Variants in ZEB2 observed in about 807,000 individuals in gnomAD.
The protein encoded by ZEB2 is zinc finger E-box-binding homeobox 2.
Under a neutral mutation model 99.9 loss-of-function variants are expected in ZEB2, and 6 were observed. The ratio of observed to expected loss-of-function variants is 0.06; its 90% CI spans 0.03 to 0.12. The LOEUF is 0.12. ZEB2 is among the 10% of genes least tolerant of loss of function. ZEB2 has a pLI of 1.00. For synonymous variants in ZEB2, 517 were observed against 542.5 expected, an observed-to-expected ratio of 0.95 and a Z score of 0.65; for missense variants, 969 against 1,502.8, an observed-to-expected ratio of 0.64 and a Z score of 5.87.
chr2:144,389,485 T>A lies in ZEB2; in HGVS notation c.3611A>T (p.Asp1204Val). The A allele has an allele frequency of 1.2e-6, 2 of 1,614,160 alleles. No individual in the cohort carries two copies. Among genetic ancestry groups the A allele is most frequent in the Non-Finnish European group, 8.5e-7 (1 of 1,180,040 alleles). The stretch of plus-strand genomic sequence containing the variant: ...ATCTTCCATATTGTCTTCCTCGTGG[T>A]CTGATTTGGTTTCCATTTTCCCATC... Reference protein sequence around the residue: ...SEDGKMETKSDHEEDNMEDGM With the variant: ...SEDGKMETKSVHEEDNMEDGM The change falls in exon 10 of 10, where the codon GAC becomes GTC. Residue 1204 changes from aspartate to valine, a missense_variant. By Grantham distance (152) the Asp-to-Val change is radical. This residue lies in a region of ZEB2 where 121 missense variants were observed against 166.4 expected (regional missense o/e 0.73). Transcript: ENST00000627532. The surrounding 1 kb of genome is among the most constrained non-coding windows in gnomAD (Gnocchi z 6.8).
At chr2:144,406,874 C>A (rs1227507301) in intron 4 of ZEB2, among the ~76,000 whole-genome samples, 2 of 152,062 alleles carry the variant, frequency 1.3e-5, no homozygotes, top group African/African-American at 4.8e-5. Context: ...CTAGGCCAGG[C>A]AAAAGATACT....
intron 4 of ZEB2, among the ~76,000 whole-genome samples, chr2:144,420,641 A>T (rs185372026): frequency 3.3e-5 from 5 of 152,212 alleles, no homozygotes; most frequent in Non-Finnish European, 7.4e-5. Context: ...TTCTGAAGAG[A>T]TTGCTGTCGT....
At chr2:144,410,028 C>T (rs552682870) in intron 4 of ZEB2, among the ~76,000 whole-genome samples, 4 of 151,896 alleles carry the variant, frequency 2.6e-5, no homozygotes, top group African/African-American at 4.8e-5. Context: ...TCTCCTGCCT[C>T]GGCCTCCTGT....
At chr2:144,422,702 A>G (rs1703635242) in intron 4 of ZEB2, among the ~76,000 whole-genome samples, 1 of 152,204 alleles carries the variant, frequency 6.6e-6, no homozygotes, top group African/African-American at 2.4e-5. Context: ...AGGGAGGCTG[A>G]GGCAGGAGAA....
chr2:144,472,628 G>A (rs1013860464), intron 2 of ZEB2, among the ~76,000 whole-genome samples: 20 of 152,122 alleles, frequency 1.3e-4, no homozygotes, highest in African/African-American at 4.1e-4. Flanking sequence ...GTCATAGGTA[G>A]CAAGTGGTGG....
chr2:144,439,275 C>T (rs1703877274), intron 2 of ZEB2, among the ~76,000 whole-genome samples: 1 of 152,048 alleles, frequency 6.6e-6, no homozygotes, highest in Non-Finnish European at 1.5e-5. Context: ...CCCTACCAGG[C>T]ACAGAAGCCA....
At chr2:144,398,048 C>T (rs1703253374) in intron 8 of ZEB2, 2 of 403,288 alleles carry the variant, frequency 5.0e-6, no homozygotes, top group Non-Finnish European at 9.3e-6. Context: ...GCAGATGAGT[C>T]CATCTAAATA....
intron 2 of ZEB2, among the ~76,000 whole-genome samples, chr2:144,459,123 A>G (rs983410090): frequency 3.3e-5 from 5 of 152,208 alleles, no homozygotes; most frequent in African/African-American, 1.2e-4. Flanking sequence ...CTATAAAGCT[A>G]CTATAACCCC....
intron 2 of ZEB2, chr2:144,512,101 C>T (rs1205143007): frequency 2.3e-6 from 3 of 1,287,032 alleles, no homozygotes; most frequent in African/African-American, 3.0e-5. Context: ...ACAGTGGACA[C>T]CCCAGCACCA....
At chr2:144,433,402 T>C (rs1220833049) in intron 2 of ZEB2, among the ~76,000 whole-genome samples, 1 of 152,226 alleles carries the variant, frequency 6.6e-6, no homozygotes, top group African/African-American at 2.4e-5. Context: ...TGTGATACTA[T>C]GTTTACATGA....
At chr2:144,410,492 T>G (rs1703446091) in intron 4 of ZEB2, among the ~76,000 whole-genome samples, 1 of 152,232 alleles carries the variant, frequency 6.6e-6, no homozygotes, top group South Asian at 2.1e-4. Flanking sequence ...TTAACAGAAC[T>G]CTAAATAAAA....
At chr2:144,498,591 CT>C (rs1015376905) in intron 2 of ZEB2, among the ~76,000 whole-genome samples, 5 of 152,114 alleles carry the variant, frequency 3.3e-5, no homozygotes, top group African/African-American at 1.2e-4. Flanking sequence ...AACTGGTGAC[CT>C]TTCAGTTTCC....
chr2:144,444,005 T>C (rs151183904), intron 2 of ZEB2, among the ~76,000 whole-genome samples: 1 of 152,238 alleles, frequency 6.6e-6, no homozygotes, highest in East Asian at 1.9e-4. Context: ...CCATTCCAGG[T>C]AGCAAAACAA....
intron 2 of ZEB2, chr2:144,494,399 G>A (rs1015827445): frequency 2.0e-5 from 3 of 152,128 alleles, no homozygotes; most frequent in Non-Finnish European, 4.4e-5. Context: ...TCTATTAATA[G>A]ACTTCAATTG....
intron 1 of ZEB2, chr2:144,519,730 G>A (rs1422744629): frequency 3.0e-6 from 1 of 335,388 alleles, no homozygotes; most frequent in Non-Finnish European, 5.8e-6. Context: ...AGGAGAGAGA[G>A]TGTGAGTGTA....
chr2:144,503,204 T>C (rs1176158771), intron 2 of ZEB2, among the ~76,000 whole-genome samples: 2 of 152,218 alleles, frequency 1.3e-5, no homozygotes, highest in Non-Finnish European at 2.9e-5. Context: ...GATGAGCAAA[T>C]GGACCCTAGG....
In ZEB2 at chr2:144,497,879, C is replaced by T. The variant is rs1374709985; in HGVS notation, c.73+19399G>A. 5 of 2,154 alleles carry T rather than the reference C, an allele frequency of 2.3e-3. 1 individual carries two copies. The highest frequency in any genetic ancestry group is 0.011 in the Admixed American group (1 of 94). The allele number at this position is 2,154 out of a possible 1,614,324, so 0.1% of individuals were successfully genotyped here. On this transcript the variant is annotated intron_variant, in intron 2 of 9. Coordinates refer to ENST00000627532, the MANE Select transcript of ZEB2 (RefSeq NM_014795.4). ...AACATATATATATATATGTCATTCT[C>T]AACATATATATATATGTCATTCTCA...
At chr2:144,412,213 G>A (rs1225954654) in intron 4 of ZEB2, among the ~76,000 whole-genome samples, 1 of 152,218 alleles carries the variant, frequency 6.6e-6, no homozygotes, top group East Asian at 1.9e-4. Flanking sequence ...AGGTTGCGGT[G>A]AGCCGAGATC....
intron 2 of ZEB2, among the ~76,000 whole-genome samples, chr2:144,447,305 A>G (rs1253871545): frequency 6.6e-6 from 1 of 152,170 alleles, no homozygotes; most frequent in African/African-American, 2.4e-5. Flanking sequence ...GGTAATCAAT[A>G]AGTAGTTCAT....
Sources: gnomAD v4.1 joint callset for allele counts (sites outside exome capture counted in the v4.1 genomes callset) on GRCh38, gnomAD v4.1.1 for gene constraint, gnomAD v4.1.1 regional missense constraint, Gnocchi (gnomAD v3.1) non-coding constraint, MANE v1.5 for transcripts, NCBI Gene and HGNC (gene_info 2026-07-23, HGNC 2026-07-21) for gene names.